Variants in PDGFC observed in about 807,000 individuals in gnomAD.
PDGFC encodes platelet derived growth factor C.
In PDGFC, 12 loss-of-function variants were observed where a neutral mutation model predicts 35.5. That is an observed-to-expected ratio of 0.34 (90% CI 0.22 to 0.55). PDGFC has a LOEUF of 0.55. Ranked by LOEUF, PDGFC falls within the 20% of genes least tolerant of loss-of-function variation. PDGFC has a pLI of 0.91. For missense variants in PDGFC, 322 were observed against 412.4 expected (o/e 0.78, Z 1.90); for synonymous variants, 159 against 148.8 (o/e 1.07, Z -0.50).
chr4:156,791,904 T>C (rs1579011217), intron 3 of PDGFC, among the ~76,000 whole-genome samples: 1 of 152,210 alleles, frequency 6.6e-6, no homozygotes, highest in East Asian at 1.9e-4. Flanking sequence ...TGCCTAGGAT[T>C]GGCCTGAAAA....
intron 1 of PDGFC, among the ~76,000 whole-genome samples, chr4:156,856,027 A>G (rs935286257): frequency 6.6e-6 from 1 of 152,154 alleles, no homozygotes; most frequent in Non-Finnish European, 1.5e-5. Context: ...TACATGCTTA[A>G]TATTTTAAAT....
chr4:156,934,133 T>A (rs1028827677), intron 1 of PDGFC, among the ~76,000 whole-genome samples: 5 of 152,218 alleles, frequency 3.3e-5, no homozygotes, highest in Admixed American at 6.5e-5. Context: ...ACAACTGGGA[T>A]ATATTCTGAG....
At chr4:156,829,349 T>C (rs1417116243) in intron 2 of PDGFC, among the ~76,000 whole-genome samples, 1 of 152,206 alleles carries the variant, frequency 6.6e-6, no homozygotes, top group Non-Finnish European at 1.5e-5. Context: ...GTTAGGTGAT[T>C]TCATCATTGT....
intron 3 of PDGFC, among the ~76,000 whole-genome samples, chr4:156,785,020 G>A (rs1266292523): frequency 2.0e-5 from 3 of 152,204 alleles, no homozygotes; most frequent in Admixed American, 6.5e-5. Context: ...CTTTATGTAT[G>A]TACAGTGGTC....
intron 2 of PDGFC, among the ~76,000 whole-genome samples, chr4:156,837,344 A>G (rs1434121893): frequency 6.6e-6 from 1 of 152,146 alleles, no homozygotes; most frequent in Middle Eastern, 3.2e-3. Flanking sequence ...GTGCCACTGC[A>G]CGGCAGCCTG....
chr4:156,944,464 T>C (rs1048974555), intron 1 of PDGFC, among the ~76,000 whole-genome samples: 3 of 152,030 alleles, frequency 2.0e-5, no homozygotes, highest in African/African-American at 4.8e-5. Context: ...CTTCTTATCA[T>C]GATTAAAAAT....
chr4:156,817,366 T>C (rs1169997284), intron 2 of PDGFC, among the ~76,000 whole-genome samples: 5 of 152,188 alleles, frequency 3.3e-5, no homozygotes, highest in Middle Eastern at 3.4e-3. Flanking sequence ...AAATTAGCAA[T>C]GAGGAAGAAG....
chr4:156,954,686 A>C (rs760520876), intron 1 of PDGFC, among the ~76,000 whole-genome samples: 15 of 151,990 alleles, frequency 9.9e-5, no homozygotes, highest in Non-Finnish European at 1.9e-4. Flanking sequence ...AATTTTGCCA[A>C]TCATGTTCTT....
intron 1 of PDGFC, among the ~76,000 whole-genome samples, chr4:156,883,370 T>G: frequency 6.6e-6 from 1 of 152,172 alleles, no homozygotes; most frequent in East Asian, 1.9e-4. Context: ...GGGTTTTGGG[T>G]ACTGAAACTA....
intron 3 of PDGFC, among the ~76,000 whole-genome samples, chr4:156,778,681 C>A (rs1730893747): frequency 6.6e-6 from 1 of 152,262 alleles, no homozygotes; most frequent in East Asian, 1.9e-4. Flanking sequence ...CTCTAAAAAA[C>A]CATAGCTTGT....
At chr4:156,910,778 C>T (rs557422315) in intron 1 of PDGFC, among the ~76,000 whole-genome samples, 2 of 152,208 alleles carry the variant, frequency 1.3e-5, no homozygotes, top group African/African-American at 4.8e-5. Flanking sequence ...TTTTAATTTG[C>T]ATTTACCTAA....
intron 2 of PDGFC, among the ~76,000 whole-genome samples, chr4:156,831,513 G>T (rs1404660781): frequency 1.4e-5 from 2 of 138,930 alleles, no homozygotes; most frequent in South Asian, 4.7e-4. Context: ...CCATGATCTC[G>T]ACTCACTGCA....
At chr4:156,958,198 T>C (rs1237133562) in intron 1 of PDGFC, among the ~76,000 whole-genome samples, 4 of 151,914 alleles carry the variant, frequency 2.6e-5, no homozygotes, top group African/African-American at 9.7e-5. Context: ...TTTTCCACAA[T>C]GCCTCAGCTT....
At chr4:156,934,390 C>T (rs1340657088) in intron 1 of PDGFC, among the ~76,000 whole-genome samples, 2 of 152,118 alleles carry the variant, frequency 1.3e-5, no homozygotes, top group African/African-American at 2.4e-5. Context: ...AAATGGTACA[C>T]CTGTATAGAG....
intron 1 of PDGFC, among the ~76,000 whole-genome samples, chr4:156,886,386 G>C (rs1730376578): frequency 6.6e-6 from 1 of 152,158 alleles, no homozygotes; most frequent in Non-Finnish European, 1.5e-5. Context: ...CATGAGACTT[G>C]TACTTCTAGT....
chr4:156,917,108 A>G (rs1250584100), intron 1 of PDGFC, among the ~76,000 whole-genome samples: 1 of 152,206 alleles, frequency 6.6e-6, no homozygotes, highest in Non-Finnish European at 1.5e-5. Context: ...AACTCCAGGA[A>G]GTTTTCATGA....
intron 1 of PDGFC, among the ~76,000 whole-genome samples, chr4:156,903,518 T>C (rs996264186): frequency 2.0e-5 from 3 of 151,974 alleles, no homozygotes; most frequent in African/African-American, 7.2e-5. Flanking sequence ...TGGTTTCCCC[T>C]ATGAAAATTA....
At chr4:156,843,674 C>T (rs969689051) in intron 2 of PDGFC, among the ~76,000 whole-genome samples, 12 of 152,114 alleles carry the variant, frequency 7.9e-5, no homozygotes, top group Non-Finnish European at 2.9e-5. Flanking sequence ...ATGAACAAGA[C>T]TGAAATTGTG....
chr4:156,923,096 A>G (rs567898287), intron 1 of PDGFC, among the ~76,000 whole-genome samples: 1 of 152,252 alleles, frequency 6.6e-6, no homozygotes, highest in South Asian at 2.1e-4. Flanking sequence ...GAGTCTTCTC[A>G]GCATATACTC....
Sources: allele counts gnomAD v4.1 joint callset (sites outside exome capture counted in the v4.1 genomes callset), GRCh38; gene constraint gnomAD v4.1.1; transcripts MANE v1.5; gene names NCBI Gene and HGNC (gene_info 2026-07-23, HGNC 2026-07-21).